The following SARM1 variants were observed in gnomAD, a reference collection of about 807,000 sequenced individuals.
The protein encoded by SARM1 is NAD(+) hydrolase SARM1.
Under a neutral mutation model 65.1 loss-of-function variants are expected in SARM1, and 60 were observed. The observed-to-expected ratio is 0.92, with a 90% CI of 0.75 to 1.14. SARM1 has a LOEUF of 1.14. SARM1 is among the 50% of genes most tolerant of loss of function. The probability of loss-of-function intolerance (pLI) is 0.00; values close to 1 mark genes in which losing one functional copy is unlikely to be tolerated. For missense variants in SARM1, 913 were observed against 1,015.7 expected, an observed-to-expected ratio of 0.90 and a Z score of 1.37; for synonymous variants, 417 against 465.4, an observed-to-expected ratio of 0.90 and a Z score of 1.34.
chr17:28,372,579 C>A lies in SARM1; in HGVS notation c.470+77C>A. The A allele has an allele frequency of 1.7e-6, 2 of 1,197,710 alleles. No homozygotes were observed. Among genetic ancestry groups the A allele is most frequent in the South Asian group, 1.5e-5 (1 of 65,312 alleles). 74.2% of individuals were successfully genotyped at this position (1,197,710 alleles called of 1,614,324 possible). Reference sequence around the variant, plus strand: ...AGCGCCTGCGTTCCCGTGTGCCTTGCGCCGTGCCTTTGCCTCCCTCACCTC... The same window carrying A: ...AGCGCCTGCGTTCCCGTGTGCCTTGAGCCGTGCCTTTGCCTCCCTCACCTC... On this transcript the variant is annotated intron_variant, in intron 1 of 8. Transcript: ENST00000585482. This position sits in a 1 kb window ranked among gnomAD's most constrained non-coding sequence, Gnocchi z 5.2.
intron 7 of SARM1, 105 bp downstream of exon 7, chr17:28,388,644 C>CT (rs2068065283): frequency 1.7e-6 from 2 of 1,196,258 alleles, no homozygotes; most frequent in South Asian, 2.9e-5. Context: ...ACACTTAGCC[C>CT]TGAAGCACCT....
At position 28,399,477 on chromosome 17, in the gene SARM1, G is replaced by A. The variant is rs1353053693; in HGVS notation, c.*3191G>A. On this transcript the variant is annotated 3_prime_UTR_variant, in exon 9 of 9. Coordinates refer to ENST00000585482, the MANE Select transcript of SARM1 (RefSeq NM_015077.4). ...TTATGATTCTAGATCCTAGACAGAG[G>A]CTGGGTCAGCTGTGGATGGGGTGGT... The A allele has an allele frequency of 1.6e-6, 1 of 627,602 alleles. No homozygotes were observed. The highest frequency in any genetic ancestry group is 2.8e-5 in the East Asian group (1 of 36,094). 38.9% of individuals were successfully genotyped at this position (627,602 alleles called of 1,614,324 possible).
chr17:28,384,932 T>C lies in SARM1; in HGVS notation c.1394+2T>C, dbSNP rs782136429. ...GAAATCGGGCATCACCCGCAAGAGGTACGGAGCCTCCTGCCCGCCGGACCC... is the reference window on the plus strand; with the variant it reads ...GAAATCGGGCATCACCCGCAAGAGGCACGGAGCCTCCTGCCCGCCGGACCC... On this transcript the variant is annotated splice_donor_variant, in intron 4 of 8. Transcript: ENST00000585482. LOFTEE classifies it high-confidence loss of function. The surrounding 1 kb of genome is among the most constrained non-coding windows in gnomAD (Gnocchi z 4.4). The C allele has an allele frequency of 5.1e-6, 8 of 1,568,706 alleles. No individual in the cohort carries two copies. Among genetic ancestry groups the C allele is most frequent in the African/African-American group, 1.4e-5 (1 of 73,504 alleles).
intron 7 of SARM1, among the ~76,000 whole-genome samples, chr17:28,390,800 C>T (rs1364422143): frequency 6.6e-6 from 1 of 152,142 alleles, no homozygotes; most frequent in Non-Finnish European, 1.5e-5. Flanking sequence ...GAAGGCATCC[C>T]AGGCCAGGGT....
Position 28,399,340 on chromosome 17 carries a change from A to C in SARM1, c.*3054A>C. 3.0e-6 allele frequency: 1 copy of C among 330,838 alleles called. No homozygotes were observed. The highest frequency in any genetic ancestry group is 5.7e-6 in the Non-Finnish European group (1 of 174,764). 20.5% of individuals were successfully genotyped at this position (330,838 alleles called of 1,614,324 possible). On this transcript the variant is annotated 3_prime_UTR_variant, in exon 9 of 9. Coordinates refer to ENST00000585482, the MANE Select transcript of SARM1 (RefSeq NM_015077.4). ...TGGTCCCTGAAGTGTCACCTCTCTC[A>C]GGACCTCTCCTCTGGCCTGTGGGGT... is the stretch of plus-strand genomic sequence containing the variant.
chr17:28,393,071 A>G (rs1017003226), intron 7 of SARM1, among the ~76,000 whole-genome samples: 2 of 152,232 alleles, frequency 1.3e-5, no homozygotes, highest in African/African-American at 2.4e-5. Context: ...ATAATTCCTC[A>G]GAACAACGCT....
chr17:28,373,451 G>A (rs4795430), intron 1 of SARM1: 5,860 of 152,318 alleles, frequency 0.038, 166 homozygotes, highest in Middle Eastern at 0.058. Context: ...AAGGGAGTGG[G>A]TTGGGGGTGT....
At chr17:28,388,006 G>A (rs1401702892) in intron 5 of SARM1, 168 bp from the exon 6 acceptor site, 1 of 622,152 alleles carries the variant, frequency 1.6e-6, no homozygotes, top group African/African-American at 1.8e-5. Context: ...ACAATAACAT[G>A]ACCTTCCTCC....
At position 28,402,085 on chromosome 17, in the gene SARM1, G is replaced by T. The variant is rs2068202478; in HGVS notation, c.*5799G>T. ...TGGCATGATCCTCTGCCCATTGTGG[G>T]CAATTTCACAGAAATGTGTTTGTTT... On this transcript the variant is annotated 3_prime_UTR_variant, in exon 9 of 9. Coordinates refer to ENST00000585482, the MANE Select transcript of SARM1 (RefSeq NM_015077.4). 1 of 629,062 alleles carries T rather than the reference G, an allele frequency of 1.6e-6. No individual in the cohort carries two copies. Among genetic ancestry groups the T allele is most frequent in the Non-Finnish European group, 2.7e-6 (1 of 369,734 alleles). 39.0% of individuals were successfully genotyped at this position (629,062 alleles called of 1,614,324 possible). A position where few individuals can be genotyped will look rare whatever the true frequency, so the allele number is the denominator to read the frequency against.
At chr17:28,382,404 T>G (rs1322174629) in intron 2 of SARM1, among the ~76,000 whole-genome samples, 2 of 152,044 alleles carry the variant, frequency 1.3e-5, no homozygotes, top group Non-Finnish European at 2.9e-5. Flanking sequence ...CTGGGGAGCT[T>G]CAGTGGGTAG....
Position 28,371,962 on chromosome 17 carries a change from T to C in SARM1, c.-71T>C. 8.1e-7 allele frequency: 1 copy of C among 1,234,402 alleles called. No individual in the cohort carries two copies. Among genetic ancestry groups the C allele is most frequent in the Non-Finnish European group, 1.1e-6 (1 of 937,884 alleles). 76.5% of individuals were successfully genotyped at this position (1,234,402 alleles called of 1,614,324 possible). A position where few individuals can be genotyped will look rare whatever the true frequency, so the allele number is the denominator to read the frequency against. ...TCCCCGACCCCTCTCGGGTCCCTCT[T>C]TTCCCAAAACCCGGGTCTCTCCGCG... On this transcript the variant is annotated 5_prime_UTR_variant, in exon 1 of 9. Transcript: ENST00000585482.
rs1334562530 is a variant in SARM1 at position 28,384,713 on chromosome 17, A to T, written c.1303-126A>T. On this transcript the variant is annotated intron_variant, in intron 3 of 8. Transcript: ENST00000585482. This position sits in a 1 kb window ranked among gnomAD's most constrained non-coding sequence, Gnocchi z 4.4. Reference sequence around the variant, plus strand: ...CCTGTACGCAGCCACCGTTAGGGTCACTCGGCTCTGATCTAGGTCCCATCC... The same window carrying T: ...CCTGTACGCAGCCACCGTTAGGGTCTCTCGGCTCTGATCTAGGTCCCATCC... 2.2e-5 allele frequency: 26 copies of T among 1,195,474 alleles called. No individual in the cohort carries two copies. Among genetic ancestry groups the T allele is most frequent in the Non-Finnish European group, 3.0e-5 (25 of 838,494 alleles). The allele number at this position is 1,195,474 out of a possible 1,614,324, so 74.1% of individuals were successfully genotyped here.
Position 28,372,334 on chromosome 17 carries a change from A to C in SARM1, c.302A>C (p.Glu101Ala). The C allele has an allele frequency of 1.3e-6, 2 of 1,483,678 alleles. No individual in the cohort carries two copies. The highest frequency in any genetic ancestry group is 8.9e-7 in the Non-Finnish European group (1 of 1,123,704). 91.9% of individuals were successfully genotyped at this position (1,483,678 alleles called of 1,614,324 possible). ...GLAEVFQLVE[E>A]AWLLPAVGRE... is the part of the protein sequence containing the mutation. ...GCCGAGGTCTTCCAACTGGTGGAGG[A>C]GGCCTGGCTGCTGCCGGCCGTGGGC... is the stretch of plus-strand genomic sequence containing the variant. The change falls in exon 1 of 9, where the codon GAG (glutamate) becomes GCG (alanine). Residue 101 changes from glutamate (E) to alanine (A), a missense_variant. By Grantham distance (107) the Glu-to-Ala change is moderately radical. Coordinates refer to ENST00000585482, the MANE Select transcript of SARM1 (RefSeq NM_015077.4). This position sits in a 1 kb window ranked among gnomAD's most constrained non-coding sequence, Gnocchi z 5.2.
At chr17:28,378,334 C>A (rs1357240479) in intron 1 of SARM1, among the ~76,000 whole-genome samples, 1 of 152,224 alleles carries the variant, frequency 6.6e-6, no homozygotes, top group African/African-American at 2.4e-5. Context: ...TGCACCAGCT[C>A]TCCAACACCT....
intron 7 of SARM1, among the ~76,000 whole-genome samples, chr17:28,392,443 T>C (rs1053488659): frequency 6.6e-6 from 1 of 152,228 alleles, no homozygotes; most frequent in African/African-American, 2.4e-5. Flanking sequence ...GGCCAGCCTC[T>C]GAATCTGTGC....
intron 1 of SARM1, among the ~76,000 whole-genome samples, chr17:28,380,089 T>C (rs2068013944): frequency 6.6e-6 from 1 of 150,538 alleles, no homozygotes; most frequent in Non-Finnish European, 1.5e-5. Context: ...TCTCTCTCTT[T>C]TTTTTTTTTT....
rs570008506 is a variant in SARM1 at position 28,399,401 on chromosome 17, C to G, written c.*3115C>G. On this transcript the variant is annotated 3_prime_UTR_variant, in exon 9 of 9. Transcript: ENST00000585482. ...GGATAGCAGAAAGGGAGAACTGACT[C>G]CTGTCCCAAATAGCTCCTCTGCCAC... 19 of 521,624 alleles carry G rather than the reference C, an allele frequency of 3.6e-5. No individual in the cohort carries two copies. In the South Asian group the frequency reaches 3.9e-4, roughly 11 times the overall value. The allele number at this position is 521,624 out of a possible 1,614,324, so 32.3% of individuals were successfully genotyped here.
chr17:28,376,627 C>G (rs1382854382), intron 1 of SARM1, among the ~76,000 whole-genome samples: 2 of 151,824 alleles, frequency 1.3e-5, no homozygotes, highest in Non-Finnish European at 2.9e-5. Context: ...TCCTTCTTAT[C>G]TTTTGTTTTT....
chr17:28,384,791 C>G lies in SARM1; in HGVS notation c.1303-48C>G. ...TCCCTTGCATCTTGTGCTCGAGGTC[C>G]AAGGGCGGAGTAGCGAAGCCCTTCC... is the stretch of plus-strand genomic sequence containing the variant. On this transcript the variant is annotated intron_variant, in intron 3 of 8. Transcript: ENST00000585482. This position sits in a 1 kb window ranked among gnomAD's most constrained non-coding sequence, Gnocchi z 4.4. The G allele has an allele frequency of 6.6e-7, 1 of 1,507,886 alleles. No homozygotes were observed. The highest frequency in any genetic ancestry group is 2.0e-5 in the Admixed American group (1 of 50,968). The allele number at this position is 1,507,886 out of a possible 1,614,324, so 93.4% of individuals were successfully genotyped here.
Sources: gnomAD v4.1 joint callset for allele counts (sites outside exome capture counted in the v4.1 genomes callset) on GRCh38, gnomAD v4.1.1 for gene constraint, Gnocchi (gnomAD v3.1) non-coding constraint, MANE v1.5 for transcripts, NCBI Gene and HGNC (gene_info 2026-07-23, HGNC 2026-07-21) for gene names.